The following MXD4 variants were observed in gnomAD, a reference collection of about 807,000 sequenced individuals.
MXD4 encodes the protein Mad4 homolog.
MXD4 carries 16 observed loss-of-function variants against 24.5 expected under a neutral mutation model. The ratio of observed to expected loss-of-function variants is 0.65; its 90% CI spans 0.44 to 0.99. The LOEUF is 0.99. Ranked by LOEUF, MXD4 falls within the 50% of genes least tolerant of loss-of-function variation. The probability of loss-of-function intolerance (pLI) is 0.00; values close to 1 mark genes in which losing one functional copy is unlikely to be tolerated. For missense variants in MXD4, 301 were observed against 301.5 expected (o/e 1.00, Z 0.01); for synonymous variants, 164 against 134.2 (o/e 1.22, Z -1.54).
At chr4:2,261,567 G>A (rs1260519011) in intron 2 of MXD4, among the ~76,000 whole-genome samples, 158 bp downstream of exon 2, 1 of 146,990 alleles carries the variant, frequency 6.8e-6, no homozygotes, top group Non-Finnish European at 1.5e-5. Context: ...GCGGGGCTGC[G>A]GCCGCGGCCT....
intron 2 of MXD4, among the ~76,000 whole-genome samples, chr4:2,259,522 C>G (rs1343832358): frequency 6.6e-6 from 1 of 152,234 alleles, no homozygotes. Context: ...CAAACTGCAG[C>G]CTGGCCACGT....
chr4:2,259,238 C>T (rs978805068), intron 2 of MXD4, among the ~76,000 whole-genome samples: 2 of 152,214 alleles, frequency 1.3e-5, no homozygotes, highest in Non-Finnish European at 2.9e-5. Context: ...CCTGCCCCTC[C>T]CACCCGCTGC....
chr4:2,258,637 A>T (rs1246242169), intron 2 of MXD4, among the ~76,000 whole-genome samples: 1 of 151,900 alleles, frequency 6.6e-6, no homozygotes, highest in Admixed American at 6.5e-5. Flanking sequence ...TGACACCACC[A>T]CTCTCTCGGG....
At position 2,250,115 on chromosome 4, in the gene MXD4, A is replaced by C. The variant is rs576264332; in HGVS notation, c.*429T>G. ...GGTGGACAGACGGACGGATGGACAG[A>C]CAGCCTTGCCTTCCTTCCTTCCTCG... On this transcript the variant is annotated 3_prime_UTR_variant, in exon 6 of 6. Coordinates refer to ENST00000337190, the MANE Select transcript of MXD4 (RefSeq NM_006454.3). 3.3e-5 allele frequency: 6 copies of C among 180,976 alleles called. No individual in the cohort carries two copies. The highest frequency in any genetic ancestry group is 1.7e-4 in the Admixed American group (3 of 17,818). 11.2% of individuals were successfully genotyped at this position (180,976 alleles called of 1,614,324 possible). A position where few individuals can be genotyped will look rare whatever the true frequency, so the allele number is the denominator to read the frequency against.
chr4:2,261,767 T>C lies in MXD4; in HGVS notation c.122A>G (p.Lys41Arg). 7 of 1,430,976 alleles carry C rather than the reference T, an allele frequency of 4.9e-6. No individual in the cohort carries two copies. Among genetic ancestry groups the C allele is most frequent in the East Asian group, 3.1e-5 (1 of 31,952 alleles). 88.6% of individuals were successfully genotyped at this position (1,430,976 alleles called of 1,614,324 possible). ...GCGCACCAGGCCGGCCGCCTTTGTT[T>C]TCTCCCTGGCGAAGTCGCCGTCGAA... Reference protein sequence around the residue: ...LPFDGDFAREKTKAAGLVRKA... With the variant: ...LPFDGDFARERTKAAGLVRKA... Residue 41 changes from lysine to arginine, a missense_variant, in exon 2 of 6, where the codon AAA (lysine) becomes AGA (arginine). By Grantham distance (26) the Lys-to-Arg change is conservative (BLOSUM62 2). Transcript: ENST00000337190.
At chr4:2,251,831 G>C (rs1215881007) in intron 4 of MXD4, among the ~76,000 whole-genome samples, 1 of 152,214 alleles carries the variant, frequency 6.6e-6, no homozygotes, top group Non-Finnish European at 1.5e-5. Flanking sequence ...GGCAGAAGAG[G>C]CCCTCAGAGC....
intron 2 of MXD4, among the ~76,000 whole-genome samples, chr4:2,258,529 C>T (rs1010961683): frequency 4.6e-5 from 7 of 152,342 alleles, no homozygotes; most frequent in African/African-American, 1.7e-4. Context: ...CTGAGGCCAG[C>T]TGTGTCCTTG....
intron 2 of MXD4, 29 bp downstream of exon 2, chr4:2,261,696 C>A: frequency 8.1e-7 from 1 of 1,238,290 alleles, no homozygotes; most frequent in Non-Finnish European, 1.0e-6. Flanking sequence ...CGGACCGGGC[C>A]GGGCGGGGTC....
chr4:2,260,082 G>A (rs1306166028), intron 2 of MXD4, among the ~76,000 whole-genome samples: 1 of 152,234 alleles, frequency 6.6e-6, no homozygotes, highest in African/African-American at 2.4e-5. Flanking sequence ...CCAGGGCAGT[G>A]CTGCCCACCC....
chr4:2,251,995 A>G (rs940048490), intron 4 of MXD4, among the ~76,000 whole-genome samples: 1 of 151,470 alleles, frequency 6.6e-6, no homozygotes, highest in East Asian at 1.9e-4. Context: ...TGGCACCCCC[A>G]TCAGGCTGCC....
At chr4:2,257,423 C>T (rs1735453201) in intron 3 of MXD4, among the ~76,000 whole-genome samples, 3 of 152,162 alleles carry the variant, frequency 2.0e-5, no homozygotes, top group Admixed American at 2.0e-4. Flanking sequence ...CCTGAGCTCA[C>T]CTGCACCTCA....
rs369439779 is a variant in MXD4 at position 2,252,180 on chromosome 4, C to T, written c.309+228G>A. Reference sequence around the variant, plus strand: ...TTATGCCATCAGCACCCAACAAACCCGACACAAGCCACGGAACAGCCTCGA... The same window carrying T: ...TTATGCCATCAGCACCCAACAAACCTGACACAAGCCACGGAACAGCCTCGA... On this transcript the variant is annotated intron_variant, in intron 4 of 5. Coordinates refer to ENST00000337190, the MANE Select transcript of MXD4 (RefSeq NM_006454.3). Among the ~76,000 whole-genome samples the T allele has an allele frequency of 2.7e-3, 412 of 152,280 alleles. 1 individual carries two copies. The highest frequency in any genetic ancestry group is 9.1e-3 in the African/African-American group (378 of 41,568).
chr4:2,261,874 G>T, intron 1 of MXD4, 43 bp downstream of exon 1: 1 of 1,393,234 alleles, frequency 7.2e-7, no homozygotes, highest in Non-Finnish European at 9.3e-7. Flanking sequence ...CGGCCCCGCC[G>T]CCCGCCCACC....
At chr4:2,257,232 C>A (rs1318255186) in intron 3 of MXD4, among the ~76,000 whole-genome samples, 3 of 152,198 alleles carry the variant, frequency 2.0e-5, no homozygotes. Flanking sequence ...AAGCAGCACG[C>A]AGACCTGCCC....
In MXD4 at chr4:2,261,996, CGTCCGCCCCGGGACGGCGGCGGCCGCT is replaced by C; in HGVS notation, c.-43_-17del. 18 of 1,287,162 alleles carry C rather than the reference CGTCCGCCCCGGGACGGCGGCGGCCGCT, an allele frequency of 1.4e-5. No individual in the cohort carries two copies. The highest frequency in any genetic ancestry group is 1.8e-5 in the Non-Finnish European group (18 of 1,010,100). 79.7% of individuals were successfully genotyped at this position (1,287,162 alleles called of 1,614,324 possible). A position where few individuals can be genotyped will look rare whatever the true frequency, so the allele number is the denominator to read the frequency against. On this transcript the variant is annotated 5_prime_UTR_variant, in exon 1 of 6. Transcript: ENST00000337190. Reference sequence around the variant, plus strand: ...TCAGCTCCATCCTCCCGCCCGCGCCCGTCCGCCCCGGGACGGCGGCGGCCGCTGCCCGGCCCGCTCCGGCCGGCTCCG... The same window carrying C: ...TCAGCTCCATCCTCCCGCCCGCGCCCGCCCGGCCCGCTCCGGCCGGCTCCG...
In MXD4 at chr4:2,250,533, A is replaced by G. The variant is rs1735296356; in HGVS notation, c.*11T>C. On this transcript the variant is annotated 3_prime_UTR_variant, in exon 6 of 6. Transcript: ENST00000337190. Reference sequence around the variant, plus strand: ...GGCGGGCAGGCAGGCCAAGGAGCAGAGGGCACGGGCCTACGAGAGGGCGGG... The same window carrying G: ...GGCGGGCAGGCAGGCCAAGGAGCAGGGGGCACGGGCCTACGAGAGGGCGGG... The G allele has an allele frequency of 6.4e-7, 1 of 1,561,610 alleles. No individual in the cohort carries two copies. Among genetic ancestry groups the G allele is most frequent in the South Asian group, 1.2e-5 (1 of 86,014 alleles).
chr4:2,253,800 T>A (rs139632181), intron 3 of MXD4: 1 of 152,170 alleles, frequency 6.6e-6, no homozygotes, highest in Admixed American at 6.6e-5. Context: ...TGCCTGGAGG[T>A]GGCCTGAACA....
In MXD4 at chr4:2,261,974, G is replaced by C. The variant is rs1469107163; in HGVS notation, c.7C>G (p.Leu3Val). The change falls in exon 1 of 6, where the codon CTG becomes GTG. Residue 3 changes from leucine to valine, a missense_variant. Leu to Val is a conservative substitution (Grantham distance 32). Transcript: ENST00000337190. ...TCCAGCAGGATCAGCAGGGAGTTCA[G>C]CTCCATCCTCCCGCCCGCGCCCGTC... is the stretch of plus-strand genomic sequence containing the variant. ME[L>V]NSLLILLEAA... is the part of the protein sequence containing the mutation. The C allele has an allele frequency of 2.2e-6, 3 of 1,378,960 alleles. No homozygotes were observed. The highest frequency in any genetic ancestry group is 3.0e-5 in the African/African-American group (2 of 66,698). 85.4% of individuals were successfully genotyped at this position (1,378,960 alleles called of 1,614,324 possible). A position where few individuals can be genotyped will look rare whatever the true frequency, so the allele number is the denominator to read the frequency against.
chr4:2,257,524 C>T (rs1234448962), intron 3 of MXD4, among the ~76,000 whole-genome samples: 1 of 152,252 alleles, frequency 6.6e-6, no homozygotes, highest in Non-Finnish European at 1.5e-5. Context: ...CAAGAGCTCG[C>T]CTGAATCCTG....
Sources: gnomAD v4.1 joint callset for allele counts (sites outside exome capture counted in the v4.1 genomes callset) on GRCh38, gnomAD v4.1.1 for gene constraint, MANE v1.5 for transcripts, NCBI Gene and HGNC (gene_info 2026-07-23, HGNC 2026-07-21) for gene names.